The following ANKS1A variants were observed in gnomAD, a reference collection of about 807,000 sequenced individuals.
ANKS1A encodes the protein ankyrin repeat and sterile alpha motif domain containing 1A, also known as ankyrin repeat and SAM domain-containing protein 1A.
ANKS1A carries 55 observed loss-of-function variants against 120.3 expected under a neutral mutation model. The observed-to-expected ratio is 0.46, with a 90% confidence interval of 0.37 to 0.57. ANKS1A has a LOEUF of 0.57. Ranked by LOEUF, ANKS1A falls within the 20% of genes least tolerant of loss-of-function variation. ANKS1A has a pLI of 0.00. For synonymous variants in ANKS1A, 590 were observed against 604.7 expected (o/e 0.98, Z 0.36); for missense variants, 1,123 against 1,480.3 (o/e 0.76, Z 3.96).
intron 1 of ANKS1A, among the ~76,000 whole-genome samples, chr6:34,909,280 CTGGGCTTATATAACT>C (rs1767794549): frequency 6.6e-6 from 1 of 152,158 alleles, no homozygotes; most frequent in Non-Finnish European, 1.5e-5. Flanking sequence ...AAACACAGAC[CTGGGCTTATATAACT>C]TGTCTAAACT....
intron 1 of ANKS1A, among the ~76,000 whole-genome samples, chr6:34,910,012 C>G (rs1767832293): frequency 6.6e-6 from 1 of 152,034 alleles, no homozygotes; most frequent in Non-Finnish European, 1.5e-5. Flanking sequence ...AGGTGAGATG[C>G]CCATGTAAAG....
intron 11 of ANKS1A, among the ~76,000 whole-genome samples, chr6:35,020,746 C>T (rs114496112): frequency 1.3e-5 from 2 of 152,112 alleles, no homozygotes; most frequent in Non-Finnish European, 2.9e-5. Context: ...TGTGTGGGCT[C>T]GTAAGCCAGT....
chr6:35,019,456 C>G (rs1581654991), intron 11 of ANKS1A, among the ~76,000 whole-genome samples: 1 of 152,118 alleles, frequency 6.6e-6, no homozygotes, highest in East Asian at 1.9e-4. Flanking sequence ...CCAGCGCTAC[C>G]TCCAGATAAG....
intron 7 of ANKS1A, 60 bp from the exon 8 acceptor site, chr6:34,985,022 G>C: frequency 6.5e-7 from 1 of 1,539,298 alleles, no homozygotes; most frequent in Non-Finnish European, 8.9e-7. Flanking sequence ...TGCTGCAGTG[G>C]TTGGAACCTG....
At chr6:35,070,024 C>CAAAAA (rs10667602) in intron 13 of ANKS1A, among the ~76,000 whole-genome samples, 1 of 95,514 alleles carries the variant, frequency 1.0e-5, no homozygotes, top group Non-Finnish European at 2.0e-5. Context: ...AAGACTCTGT[C>CAAAAA]AAAAAAAAAA....
At chr6:35,020,671 A>G (rs538227663) in intron 11 of ANKS1A, among the ~76,000 whole-genome samples, 39 of 152,316 alleles carry the variant, frequency 2.6e-4, no homozygotes, top group African/African-American at 9.4e-4. Context: ...TATGGGCTCC[A>G]CTGTTTCCTC....
intron 1 of ANKS1A, among the ~76,000 whole-genome samples, chr6:34,902,705 A>G (rs1398269725): frequency 6.6e-6 from 1 of 151,380 alleles, no homozygotes; most frequent in Non-Finnish European, 1.5e-5. Context: ...CGGGAGGCTG[A>G]GGCAGGAGAA....
chr6:34,966,121 A>T (rs114159137), intron 1 of ANKS1A, among the ~76,000 whole-genome samples: 2,120 of 152,316 alleles, frequency 0.014, 22 homozygotes, highest in African/African-American at 0.022. Context: ...CACTGATACC[A>T]TCCAGTAACA....
intron 1 of ANKS1A, among the ~76,000 whole-genome samples, chr6:34,934,820 A>T (rs1169150832): frequency 6.7e-6 from 1 of 149,792 alleles, no homozygotes; most frequent in African/African-American, 2.5e-5. Context: ...CTCTCTTTTC[A>T]CCTCCCACCC....
intron 11 of ANKS1A, among the ~76,000 whole-genome samples, chr6:35,030,338 C>G (rs1774844831): frequency 1.3e-5 from 2 of 152,290 alleles, no homozygotes; most frequent in South Asian, 4.1e-4. Flanking sequence ...AATATTAAGA[C>G]TCAAAGCATT....
rs1777910942 is a variant in ANKS1A at position 35,085,421 on chromosome 6, A to G, written c.3133-345A>G. ...ACAGCACTCACAGACTTTGTCGGTGACACATTAAAAATAAAAGCACTAGCA... is the reference window on the plus strand; with the variant it reads ...ACAGCACTCACAGACTTTGTCGGTGGCACATTAAAAATAAAAGCACTAGCA... On this transcript the variant is annotated intron_variant, in intron 21 of 23. Coordinates refer to ENST00000360359, the MANE Select transcript of ANKS1A (RefSeq NM_015245.3). The surrounding 1 kb of genome is among the most constrained non-coding windows in gnomAD (Gnocchi z 4.7). Among the ~76,000 whole-genome samples the G allele has an allele frequency of 6.6e-6, 1 of 152,338 alleles. No homozygotes were observed. The highest frequency in any genetic ancestry group is 2.1e-4 in the South Asian group (1 of 4,828).
chr6:34,946,637 T>C (rs147310302), intron 1 of ANKS1A, among the ~76,000 whole-genome samples: 1 of 152,104 alleles, frequency 6.6e-6, no homozygotes, highest in Non-Finnish European at 1.5e-5. Flanking sequence ...ATCAATTTCA[T>C]TGATTTTTTA....
chr6:35,011,540 C>T (rs2689090), intron 10 of ANKS1A, among the ~76,000 whole-genome samples: 137,244 of 152,194 alleles, frequency 0.9, 62,700 homozygotes, highest in East Asian at 0.99. Flanking sequence ...TGAAACAGTC[C>T]GAAGTCCCAA....
chr6:35,092,038 A>C (rs528885959), downstream of ANKS1A, among the ~76,000 whole-genome samples: 2 of 152,312 alleles, frequency 1.3e-5, no homozygotes, highest in Admixed American at 6.5e-5. Flanking sequence ...CCCTTCACTG[A>C]TGGAGCACCT....
chr6:35,095,589 A>G (rs1422081663), downstream of ANKS1A, among the ~76,000 whole-genome samples: 1 of 106,072 alleles, frequency 9.4e-6, no homozygotes, highest in African/African-American at 4.6e-5. Context: ...AAGACGAAAG[A>G]AAGAGAGAAA....
chr6:35,069,537 T>G (rs1175047307), intron 13 of ANKS1A, among the ~76,000 whole-genome samples: 3 of 152,064 alleles, frequency 2.0e-5, no homozygotes, highest in African/African-American at 7.2e-5. Context: ...CACAGAGGGC[T>G]GACAATAATT....
chr6:34,903,361 T>C (rs77398413), intron 1 of ANKS1A, among the ~76,000 whole-genome samples: 14 of 152,074 alleles, frequency 9.2e-5, no homozygotes, highest in Non-Finnish European at 2.1e-4. Flanking sequence ...TTTTTTTTTT[T>C]CCAAGAGAGG....
chr6:34,898,341 C>A (rs1226302194), intron 1 of ANKS1A, among the ~76,000 whole-genome samples: 1 of 152,126 alleles, frequency 6.6e-6, no homozygotes, highest in Non-Finnish European at 1.5e-5. Context: ...TTGTTTGAAA[C>A]CTTGGGGCCA....
intron 3 of ANKS1A, among the ~76,000 whole-genome samples, chr6:34,972,815 A>G (rs936151822): frequency 1.3e-5 from 2 of 152,160 alleles, no homozygotes; most frequent in Admixed American, 1.3e-4. Context: ...ATGCAGCTGC[A>G]GTGGGTTTTG....
Sources: allele counts gnomAD v4.1 joint callset (sites outside exome capture counted in the v4.1 genomes callset), GRCh38; gene constraint gnomAD v4.1.1; non-coding constraint Gnocchi (gnomAD v3.1); transcripts MANE v1.5; gene names NCBI Gene and HGNC (gene_info 2026-07-23, HGNC 2026-07-21).